Variants in GBE1 observed in about 807,000 individuals in gnomAD.
GBE1 encodes 1,4-alpha-glucan branching enzyme 1.
In GBE1, 70 loss-of-function variants were observed where a neutral mutation model predicts 88.8. That is an observed-to-expected ratio of 0.79 (90% confidence interval 0.65 to 0.96). The LOEUF (loss-of-function observed/expected upper bound fraction) is 0.96. Among genes scored for constraint, GBE1 ranks in the 40% least tolerant of loss-of-function variants. GBE1 has a pLI of 0.00. For synonymous variants in GBE1, 284 were observed against 300.1 expected (o/e 0.95, Z 0.56); for missense variants, 872 against 871.0 (o/e 1.00, Z -0.01).
At chr3:81,714,287 A>C (rs1053660736) in intron 1 of GBE1, among the ~76,000 whole-genome samples, 14 of 152,194 alleles carry the variant, frequency 9.2e-5, no homozygotes, top group Admixed American at 7.9e-4. Context: ...GTTAGGTTTA[A>C]GATTATGATT....
intron 14 of GBE1, among the ~76,000 whole-genome samples, chr3:81,521,057 C>T (rs1459877530): frequency 2.6e-5 from 4 of 151,476 alleles, no homozygotes; most frequent in Non-Finnish European, 3.0e-5. Context: ...CCTGGCATTA[C>T]CTCCAAAACA....
intron 15 of GBE1, among the ~76,000 whole-genome samples, chr3:81,497,322 T>C (rs966144826): frequency 6.6e-6 from 1 of 152,130 alleles, no homozygotes; most frequent in Non-Finnish European, 1.5e-5. Context: ...ACTTAGTATA[T>C]TGACATGTTT....
intron 6 of GBE1, among the ~76,000 whole-genome samples, chr3:81,645,609 T>G (rs1704751769): frequency 6.6e-6 from 1 of 152,098 alleles, no homozygotes; most frequent in South Asian, 2.1e-4. Flanking sequence ...GAGAAACAGG[T>G]AAATGAACCA....
At chr3:81,664,685 G>T (rs1212634059) in intron 3 of GBE1, among the ~76,000 whole-genome samples, 1 of 152,158 alleles carries the variant, frequency 6.6e-6, no homozygotes, top group Non-Finnish European at 1.5e-5. Context: ...TCATGAGATT[G>T]CTTATAGTTC....
intron 14 of GBE1, among the ~76,000 whole-genome samples, chr3:81,508,271 A>T (rs1254395998): frequency 1.3e-5 from 2 of 152,126 alleles, no homozygotes; most frequent in African/African-American, 2.4e-5. Flanking sequence ...AGATTATATA[A>T]CTTAAACTAA....
intron 3 of GBE1, chr3:81,650,124 C>T: frequency 2.6e-6 from 1 of 387,250 alleles, no homozygotes; most frequent in East Asian, 5.8e-5. Context: ...CTTAAAGTAA[C>T]TTCCAGCTTG....
intron 10 of GBE1, among the ~76,000 whole-genome samples, chr3:81,584,566 A>G (rs1043357200): frequency 1.6e-4 from 24 of 152,186 alleles, no homozygotes; most frequent in African/African-American, 3.9e-4. Flanking sequence ...AATTACATAA[A>G]ATAGAAGATG....
At chr3:81,685,522 C>T (rs1351734019) in intron 2 of GBE1, among the ~76,000 whole-genome samples, 1 of 152,008 alleles carries the variant, frequency 6.6e-6, no homozygotes, top group East Asian at 1.9e-4. Flanking sequence ...GCCGGGATTA[C>T]AAGCACCCGC....
chr3:81,537,217 C>T (rs1285132292), intron 12 of GBE1, 122 bp from the exon 13 acceptor site: 2 of 632,638 alleles, frequency 3.2e-6, no homozygotes, highest in Non-Finnish European at 4.8e-6. Context: ...ATTTACTAGA[C>T]CTGTGTCCTG....
chr3:81,693,007 G>A (rs1053092931), intron 2 of GBE1, among the ~76,000 whole-genome samples: 3 of 152,104 alleles, frequency 2.0e-5, no homozygotes, highest in African/African-American at 7.2e-5. Flanking sequence ...GACAAATGAT[G>A]CACTTTTTCA....
chr3:81,503,688 G>A (rs1702619290), intron 14 of GBE1, among the ~76,000 whole-genome samples: 1 of 152,192 alleles, frequency 6.6e-6, no homozygotes. Flanking sequence ...AGCTTGTTAA[G>A]TGGTAGAGTT....
At chr3:81,670,710 T>G in intron 3 of GBE1, 128 bp downstream of exon 3, 1 of 567,082 alleles carries the variant, frequency 1.8e-6, no homozygotes, top group Non-Finnish European at 3.0e-6. Flanking sequence ...CCTCTATTTG[T>G]ACATTTAGAC....
Position 81,701,552 on chromosome 3 carries a change from C to CTTAAT in GBE1, c.313+3891_313+3892insATTAA, listed in dbSNP as rs926209183. ...ACTGCCAATTAACATTTCTGTAGCACTGATTAAGGTACAAAATTTCTCACA... is the reference window on the plus strand; with the variant it reads ...ACTGCCAATTAACATTTCTGTAGCACTTAATTGATTAAGGTACAAAATTTCTCACA... On this transcript the variant is annotated intron_variant, in intron 2 of 15. Transcript: ENST00000429644. Among the ~76,000 whole-genome samples the CTTAAT allele has an allele frequency of 2.6e-5, 4 of 151,646 alleles. No homozygotes were observed. In the East Asian group the frequency reaches 5.8e-4, roughly 22 times the overall value.
At chr3:81,757,783 A>G (rs1377132594) in intron 1 of GBE1, among the ~76,000 whole-genome samples, 1 of 152,248 alleles carries the variant, frequency 6.6e-6, no homozygotes, top group Non-Finnish European at 1.5e-5. Flanking sequence ...AAATGAAGAT[A>G]TAAATAAGTC....
At chr3:81,654,683 C>T (rs1239964802) in intron 3 of GBE1, 2 of 152,106 alleles carry the variant, frequency 1.3e-5, no homozygotes, top group Non-Finnish European at 2.9e-5. Flanking sequence ...TGAAAAAAAA[C>T]ATATTGATCA....
chr3:81,750,757 T>C (rs1260685692), intron 1 of GBE1, among the ~76,000 whole-genome samples: 2 of 144,918 alleles, frequency 1.4e-5, no homozygotes, highest in Admixed American at 1.4e-4. Flanking sequence ...CTTGGCTCAC[T>C]GCAACCTCCT....
intron 12 of GBE1, among the ~76,000 whole-genome samples, chr3:81,570,714 G>T (rs1208897506): frequency 6.6e-6 from 1 of 152,048 alleles, no homozygotes; most frequent in Non-Finnish European, 1.5e-5. Flanking sequence ...ATAAAGGGGT[G>T]GGCATTGCAC....
chr3:81,646,102 G>A (rs924098773), intron 6 of GBE1, among the ~76,000 whole-genome samples: 6 of 152,114 alleles, frequency 3.9e-5, no homozygotes, highest in Admixed American at 3.9e-4. Context: ...GCTTTCATAG[G>A]AAAAGATTTT....
chr3:81,674,662 T>C (rs1398952491), intron 2 of GBE1, among the ~76,000 whole-genome samples: 4 of 151,722 alleles, frequency 2.6e-5, no homozygotes, highest in African/African-American at 9.7e-5. Flanking sequence ...CTACAGAATA[T>C]AATTGAAAAT....
Sources: gnomAD v4.1 joint callset for allele counts (sites outside exome capture counted in the v4.1 genomes callset) on GRCh38, gnomAD v4.1.1 for gene constraint, MANE v1.5 for transcripts, NCBI Gene and HGNC (gene_info 2026-07-23, HGNC 2026-07-21) for gene names.